Variants in MAP3K10 observed in about 807,000 individuals in gnomAD.
MAP3K10 encodes the protein mitogen-activated protein kinase kinase kinase 10.
MAP3K10 carries 22 observed loss-of-function variants against 75.0 expected under a neutral mutation model. That is an observed-to-expected ratio of 0.29 (90% confidence interval 0.21 to 0.42). The LOEUF (loss-of-function observed/expected upper bound fraction) is 0.42, where lower values mean the gene tolerates loss of function less well. Among genes scored for constraint, MAP3K10 ranks in the 10% least tolerant of loss-of-function variants. The pLI is 1.00. For missense variants in MAP3K10, 1,165 were observed against 1,379.8 expected (o/e 0.84, Z 2.47); for synonymous variants, 599 against 612.9 (o/e 0.98, Z 0.34).
At chr19:40,207,043 G>A (rs1422106608) in intron 5 of MAP3K10, among the ~76,000 whole-genome samples, 1 of 152,160 alleles carries the variant, frequency 6.6e-6, no homozygotes, top group Non-Finnish European at 1.5e-5. Flanking sequence ...AGGTTGCAGT[G>A]AGCCGAGATT....
Position 40,192,606 on chromosome 19 carries a change from C to G in MAP3K10, c.575C>G (p.Pro192Arg). ...AGGGTGCTGGCAGGTCGCCGGGTGC[C>G]ACCTCACGTGCTGGTCAACTGGGCT... Reference protein sequence around the residue: ...LSRVLAGRRVPPHVLVNWAVQ... With the variant: ...LSRVLAGRRVRPHVLVNWAVQ... The change falls in exon 1 of 10, where the codon CCA (proline) becomes CGA (arginine). Residue 192 changes from proline to arginine, a missense_variant. Physicochemically the swap from Pro to Arg is moderately radical, Grantham distance 103 (BLOSUM62 -2). Around this residue, in one of 2 missense-constraint regions of MAP3K10, gnomAD observed 575 missense variants for 793.2 expected, o/e 0.72. Coordinates refer to ENST00000253055, the MANE Select transcript of MAP3K10 (RefSeq NM_002446.4). This position sits in a 1 kb window ranked among gnomAD's most constrained non-coding sequence, Gnocchi z 7.1. 6.2e-7 allele frequency: 1 copy of G among 1,612,420 alleles called. No homozygotes were observed.
rs1973086493 is a variant in MAP3K10 at position 40,204,802 on chromosome 19, C to G, written c.1012+169C>G. 4.9e-6 allele frequency: 4 copies of G among 816,074 alleles called. No individual in the cohort carries two copies. Among genetic ancestry groups the G allele is most frequent in the Non-Finnish European group, 5.6e-6 (3 of 535,102 alleles). 50.6% of individuals were successfully genotyped at this position (816,074 alleles called of 1,614,324 possible). On this transcript the variant is annotated intron_variant, in intron 3 of 9. Transcript: ENST00000253055. This position sits in a 1 kb window ranked among gnomAD's most constrained non-coding sequence, Gnocchi z 4.3. ...GCCTCCCCATGGTTGGCTCCATCCC[C>G]CACATCCCAGCCCTTGTTTGGGCCA...
At chr19:40,214,858 C>T in intron 9 of MAP3K10, 112 bp from the exon 10 acceptor site, 1 of 628,544 alleles carries the variant, frequency 1.6e-6, no homozygotes, top group Non-Finnish European at 2.8e-6. Flanking sequence ...CAGCAAGATC[C>T]ACGGATTTCT....
At chr19:40,196,236 C>T (rs1972903538) in intron 1 of MAP3K10, among the ~76,000 whole-genome samples, 1 of 152,148 alleles carries the variant, frequency 6.6e-6, no homozygotes, top group African/African-American at 2.4e-5. Context: ...AGTAAAATAT[C>T]TCAGCAGTTA....
At chr19:40,214,714 G>C (rs963507025) in intron 9 of MAP3K10, among the ~76,000 whole-genome samples, 7 of 152,116 alleles carry the variant, frequency 4.6e-5, no homozygotes, top group Non-Finnish European at 1.0e-4. Flanking sequence ...TTTGGCCCCC[G>C]AGGCTGCCGC....
chr19:40,197,682 A>G (rs918841745), intron 1 of MAP3K10, among the ~76,000 whole-genome samples: 1 of 152,276 alleles, frequency 6.6e-6, no homozygotes, highest in South Asian at 2.1e-4. Context: ...GTGTGGACAC[A>G]GGAAGGGGTA....
intron 5 of MAP3K10, chr19:40,206,415 A>T: frequency 2.9e-6 from 1 of 350,208 alleles, no homozygotes; most frequent in Non-Finnish European, 5.0e-6. Flanking sequence ...AAAAAAAAAA[A>T]ATTTTTTTTA....
In MAP3K10 at chr19:40,205,063, A is replaced by G; in HGVS notation, c.1013-58A>G. 6.6e-7 allele frequency: 1 copy of G among 1,513,492 alleles called. No homozygotes were observed. The highest frequency in any genetic ancestry group is 1.4e-5 in the African/African-American group (1 of 73,028). The allele number at this position is 1,513,492 out of a possible 1,614,324, so 93.8% of individuals were successfully genotyped here. On this transcript the variant is annotated intron_variant, in intron 3 of 9. Coordinates refer to ENST00000253055, the MANE Select transcript of MAP3K10 (RefSeq NM_002446.4). The surrounding 1 kb of genome is among the most constrained non-coding windows in gnomAD (Gnocchi z 4.3). ...CTTCCTCTGAGCAGGCTGAGTCCCC[A>G]GAGCATGACCACTGACACCTCCATG...
chr19:40,206,604 T>A (rs1973127955), intron 5 of MAP3K10, among the ~76,000 whole-genome samples: 1 of 151,300 alleles, frequency 6.6e-6, no homozygotes, highest in African/African-American at 2.4e-5. Flanking sequence ...AAAAAGAAAA[T>A]GACCAAAAAC....
Position 40,215,143 on chromosome 19 carries a change from C to G in MAP3K10, c.2716C>G (p.Arg906Gly). 1 of 1,609,808 alleles carries G rather than the reference C, an allele frequency of 6.2e-7. No homozygotes were observed. The highest frequency in any genetic ancestry group is 8.5e-7 in the Non-Finnish European group (1 of 1,178,550). The change falls in exon 10 of 10, where the codon CGG (arginine) becomes GGG (glycine). Residue 906 changes from arginine (R) to glycine (G), a missense_variant. By Grantham distance (125) the Arg-to-Gly change is moderately radical. This residue lies in a region of MAP3K10 where 590 missense variants were observed against 586.6 expected (regional missense o/e 1.01). Coordinates refer to ENST00000253055, the MANE Select transcript of MAP3K10 (RefSeq NM_002446.4). ...LDPWKLVSFGRTLTISPPSRP... is the reference protein window; with the variant it reads ...LDPWKLVSFGGTLTISPPSRP... ...CCCCTGGAAACTGGTCTCCTTCGGC[C>G]GGACACTCACCATCTCGCCTCCCAG...
chr19:40,208,329 G>A (rs539325013), intron 5 of MAP3K10, among the ~76,000 whole-genome samples: 16 of 142,340 alleles, frequency 1.1e-4, no homozygotes, highest in South Asian at 2.4e-4. Flanking sequence ...CCGCCACCAC[G>A]CCTGGCTCTT....
intron 9 of MAP3K10, 81 bp downstream of exon 9, chr19:40,214,302 C>G: frequency 2.2e-6 from 3 of 1,339,246 alleles, no homozygotes; most frequent in South Asian, 1.7e-5. Flanking sequence ...AGCCCAGCCA[C>G]GACCCCTCAG....
chr19:40,199,721 C>A (rs1308878960), intron 2 of MAP3K10, among the ~76,000 whole-genome samples: 2 of 152,196 alleles, frequency 1.3e-5, no homozygotes, highest in Admixed American at 6.5e-5. Context: ...GTAGCTCACA[C>A]CTATAATCCC....
rs372801404 is a variant in MAP3K10 at position 40,213,617 on chromosome 19, G to T, written c.1938G>T (p.Pro646=). ...TGCCACTGCCTGCCGAGCCCTCCCC[G>T]GGGGCGCGGGCGCCGTGGGAGCCGA... ...LSVPLPAEPS[P]GARAPWEPTP... Residue 646 remains proline (P), a synonymous_variant, in exon 9 of 10, where the codon CCG becomes CCT. Transcript: ENST00000253055. The surrounding 1 kb of genome is among the most constrained non-coding windows in gnomAD (Gnocchi z 5.7). The T allele has an allele frequency of 1.3e-6, 2 of 1,555,708 alleles. No individual in the cohort carries two copies. The highest frequency in any genetic ancestry group is 1.7e-6 in the Non-Finnish European group (2 of 1,153,994).
chr19:40,193,380 G>A (rs1972852613), intron 1 of MAP3K10, among the ~76,000 whole-genome samples: 1 of 152,190 alleles, frequency 6.6e-6, no homozygotes, highest in Non-Finnish European at 1.5e-5. Flanking sequence ...AATTGATGTG[G>A]CTTATATAAA....
chr19:40,195,171 C>A lies in MAP3K10; in HGVS notation c.682+2458C>A, dbSNP rs539022219. 5.9e-5 allele frequency among the ~76,000 whole-genome samples: 9 copies of A among 152,142 alleles called. No homozygotes were observed. In the South Asian group the frequency reaches 1.5e-3, roughly 25 times the overall value. ...CTGGCAGGAGCCAGATCACATAGGA[C>A]CTTGGGGGCCATGGTGAGGACTTGG... On this transcript the variant is annotated intron_variant, in intron 1 of 9. Coordinates refer to ENST00000253055, the MANE Select transcript of MAP3K10 (RefSeq NM_002446.4).
At position 40,206,167 on chromosome 19, in the gene MAP3K10, C is replaced by T. The variant is rs760766805; in HGVS notation, c.1435+10C>T. On this transcript the variant is annotated intron_variant, in intron 5 of 9. Transcript: ENST00000253055. ...ATCAGCCTGCCCTCTGGTACCCACC[C>T]GTGTCCCCAGAGCGCCCCCCAAGAG... is the stretch of plus-strand genomic sequence containing the variant. 5 of 1,589,922 alleles carry T rather than the reference C, an allele frequency of 3.1e-6. No homozygotes were observed. The Admixed American group carries it at 6.8e-5, about 22-fold the overall frequency.
In MAP3K10 at chr19:40,205,060, C is replaced by A; in HGVS notation, c.1013-61C>A. 1 of 1,502,676 alleles carries A rather than the reference C, an allele frequency of 6.7e-7. No individual in the cohort carries two copies. Among genetic ancestry groups the A allele is most frequent in the Non-Finnish European group, 9.2e-7 (1 of 1,083,912 alleles). The allele number at this position is 1,502,676 out of a possible 1,614,324, so 93.1% of individuals were successfully genotyped here. ...TGCCTTCCTCTGAGCAGGCTGAGTC[C>A]CCAGAGCATGACCACTGACACCTCC... is the stretch of plus-strand genomic sequence containing the variant. On this transcript the variant is annotated intron_variant, in intron 3 of 9. Coordinates refer to ENST00000253055, the MANE Select transcript of MAP3K10 (RefSeq NM_002446.4). This position sits in a 1 kb window ranked among gnomAD's most constrained non-coding sequence, Gnocchi z 4.3.
At position 40,192,743 on chromosome 19, in the gene MAP3K10, T is replaced by A; in HGVS notation, c.682+30T>A. On this transcript the variant is annotated intron_variant, in intron 1 of 9. Transcript: ENST00000253055. The surrounding 1 kb of genome is among the most constrained non-coding windows in gnomAD (Gnocchi z 7.1). Reference sequence around the variant, plus strand: ...GTGGTGTCCTCTCCCCAAAATTCCTTCCACAGAACCTCTCAAGGCCAGGCC... The same window carrying A: ...GTGGTGTCCTCTCCCCAAAATTCCTACCACAGAACCTCTCAAGGCCAGGCC... The A allele has an allele frequency of 6.7e-7, 1 of 1,501,140 alleles. No homozygotes were observed. The highest frequency in any genetic ancestry group is 8.9e-7 in the Non-Finnish European group (1 of 1,124,678). The allele number at this position is 1,501,140 out of a possible 1,614,324, so 93.0% of individuals were successfully genotyped here.
Sources: gnomAD v4.1 joint callset for allele counts (sites outside exome capture counted in the v4.1 genomes callset) on GRCh38, gnomAD v4.1.1 for gene constraint, gnomAD v4.1.1 regional missense constraint, Gnocchi (gnomAD v3.1) non-coding constraint, MANE v1.5 for transcripts, NCBI Gene and HGNC (gene_info 2026-07-23, HGNC 2026-07-21) for gene names.